The following RPS6KA2 variants were observed in gnomAD, a reference collection of about 807,000 sequenced individuals.
RPS6KA2 encodes the protein ribosomal protein S6 kinase A2.
Under a neutral mutation model 91.8 loss-of-function variants are expected in RPS6KA2, and 42 were observed. That is an observed-to-expected ratio of 0.46 (90% CI 0.36 to 0.59). The LOEUF is 0.59. Among genes scored for constraint, RPS6KA2 ranks in the 20% least tolerant of loss-of-function variants. RPS6KA2 has a pLI of 0.00. For missense variants in RPS6KA2, 798 were observed against 978.5 expected (o/e 0.82, Z 2.46); for synonymous variants, 414 against 393.6 (o/e 1.05, Z -0.61).
intron 16 of RPS6KA2, among the ~76,000 whole-genome samples, chr6:166,427,556 C>T (rs1223521134): frequency 3.2e-4 from 48 of 152,270 alleles, no homozygotes; most frequent in African/African-American, 7.7e-4. Context: ...GAAAACCCCA[C>T]TGTCTCAGCC....
intron 2 of RPS6KA2, among the ~76,000 whole-genome samples, chr6:166,796,308 C>T (rs1779221864): frequency 2.0e-5 from 3 of 152,136 alleles, no homozygotes; most frequent in Non-Finnish European, 4.4e-5. Context: ...TCTGGCTTGT[C>T]GGCTGGGTGC....
At chr6:166,796,379 A>G (rs1485075594) in intron 2 of RPS6KA2, among the ~76,000 whole-genome samples, 1 of 152,116 alleles carries the variant, frequency 6.6e-6, no homozygotes, top group African/African-American at 2.4e-5. Flanking sequence ...TCACGAGGTC[A>G]AGAGATAGAG....
intron 10 of RPS6KA2, among the ~76,000 whole-genome samples, chr6:166,483,518 T>C (rs1446254896): frequency 6.6e-6 from 1 of 152,194 alleles, no homozygotes; most frequent in East Asian, 1.9e-4. Context: ...TGGAAAAAAT[T>C]AAGAAAAGCC....
chr6:166,736,559 TC>T (rs1790672986), intron 2 of RPS6KA2, among the ~76,000 whole-genome samples: 1 of 152,198 alleles, frequency 6.6e-6, no homozygotes, highest in African/African-American at 2.4e-5. Context: ...ATATCAAGAT[TC>T]CATGTCTTAG....
intron 1 of RPS6KA2, among the ~76,000 whole-genome samples, chr6:166,572,498 G>A (rs979158024): frequency 2.6e-5 from 4 of 152,258 alleles, no homozygotes; most frequent in African/African-American, 9.6e-5. Flanking sequence ...GGCTGGTGAC[G>A]TATTTAGCTC....
chr6:166,607,291 C>T (rs751184110), intron 1 of RPS6KA2, among the ~76,000 whole-genome samples: 101 of 152,086 alleles, frequency 6.6e-4, no homozygotes, highest in Non-Finnish European at 1.4e-3. Flanking sequence ...AGGTATAAAC[C>T]CAGGAGAAAT....
rs1006771071 is a variant in RPS6KA2, at chr6:166,437,984, C to T, written c.1333-5494G>A. On this transcript the variant is annotated intron_variant, in intron 14 of 20. Coordinates refer to ENST00000265678, the MANE Select transcript of RPS6KA2 (RefSeq NM_021135.6). This position sits in a 1 kb window ranked among gnomAD's most constrained non-coding sequence, Gnocchi z 4.3. ...TGAGCAGATGGCTTTGAGGCAGTAA[C>T]TACGCGGGCAGTGGCATGAGCTCAC... Among the ~76,000 whole-genome samples the T allele has an allele frequency of 2.0e-5, 3 of 152,232 alleles. No homozygotes were observed. Among genetic ancestry groups the T allele is most frequent in the South Asian group, 2.1e-4 (1 of 4,830 alleles).
In RPS6KA2 at chr6:166,433,121, G is replaced by A. The variant is rs1457732241; in HGVS notation, c.1333-631C>T. Among the ~76,000 whole-genome samples, 1 of 150,824 alleles carries A rather than the reference G, an allele frequency of 6.6e-6. No homozygotes were observed. Among genetic ancestry groups the A allele is most frequent in the African/African-American group, 2.4e-5 (1 of 40,860 alleles). On this transcript the variant is annotated intron_variant, in intron 14 of 20. Transcript: ENST00000265678. This position sits in a 1 kb window ranked among gnomAD's most constrained non-coding sequence, Gnocchi z 4.4. ...AAATAACAGACTGTGTCCCACCCTC[G>A]CAGTGGGCACCATCCACAACAAGCC...
chr6:166,605,733 A>T (rs1471445910), intron 1 of RPS6KA2, among the ~76,000 whole-genome samples: 1 of 152,224 alleles, frequency 6.6e-6, no homozygotes, highest in African/African-American at 2.4e-5. Flanking sequence ...CCACACATTC[A>T]ACTGAGATCT....
chr6:166,707,791 T>G (rs1176270926), intron 2 of RPS6KA2, among the ~76,000 whole-genome samples: 1 of 152,146 alleles, frequency 6.6e-6, no homozygotes, highest in Non-Finnish European at 1.5e-5. Context: ...CAGGCTGAAG[T>G]ACAGTGGTGC....
At chr6:166,527,925 G>C (rs1310007873) in intron 3 of RPS6KA2, among the ~76,000 whole-genome samples, 1 of 152,276 alleles carries the variant, frequency 6.6e-6, no homozygotes, top group East Asian at 1.9e-4. Context: ...TGAATAGATA[G>C]ACACTTTATT....
chr6:166,478,334 C>A (rs1237668065), intron 10 of RPS6KA2, among the ~76,000 whole-genome samples: 2 of 152,214 alleles, frequency 1.3e-5, no homozygotes, highest in Non-Finnish European at 2.9e-5. Context: ...AAAGCTTGGT[C>A]TTGAAAGAGG....
chr6:166,606,743 C>T (rs1364277760), intron 1 of RPS6KA2, among the ~76,000 whole-genome samples: 8 of 152,186 alleles, frequency 5.3e-5, no homozygotes, highest in African/African-American at 1.9e-4. Context: ...AGATGCTCTA[C>T]ATCATTTGTC....
intron 2 of RPS6KA2, among the ~76,000 whole-genome samples, chr6:166,705,570 G>A (rs1204622267): frequency 2.0e-5 from 3 of 152,142 alleles, no homozygotes; most frequent in Non-Finnish European, 4.4e-5. Context: ...TGCTTAGCAT[G>A]GTACTAAAGG....
chr6:166,753,909 G>T (rs978370860), intron 2 of RPS6KA2, among the ~76,000 whole-genome samples: 4 of 152,192 alleles, frequency 2.6e-5, no homozygotes, highest in East Asian at 1.9e-4. Flanking sequence ...TGTCAGAAAC[G>T]TACTAACCCA....
rs569705440 is a variant in RPS6KA2, at chr6:166,639,436, G to A, written c.124-100652C>T. Among the ~76,000 whole-genome samples, 1 of 152,118 alleles carries A rather than the reference G, an allele frequency of 6.6e-6. No individual in the cohort carries two copies. Among genetic ancestry groups the A allele is most frequent in the Non-Finnish European group, 1.5e-5 (1 of 67,982 alleles). On this transcript the variant is annotated intron_variant, in intron 2 of 21. Coordinates refer to the RPS6KA2 transcript ENST00000503859. The surrounding 1 kb of genome is among the most constrained non-coding windows in gnomAD (Gnocchi z 4.2). Reference sequence around the variant, plus strand: ...CAGAAAATAGTAATTACTGGCTAAAGGCTTTCCCTACAACCCACCTGTGGT... The same window carrying A: ...CAGAAAATAGTAATTACTGGCTAAAAGCTTTCCCTACAACCCACCTGTGGT...
intron 2 of RPS6KA2, among the ~76,000 whole-genome samples, chr6:166,677,362 G>GTTT (rs199505387): frequency 2.8e-5 from 4 of 141,334 alleles, no homozygotes; most frequent in Non-Finnish European, 6.2e-5. Flanking sequence ...GTTCATATCA[G>GTTT]TTTTTTTTTT....
At chr6:166,512,227 A>C (rs1782497363) in intron 3 of RPS6KA2, among the ~76,000 whole-genome samples, 1 of 152,220 alleles carries the variant, frequency 6.6e-6, no homozygotes, top group African/African-American at 2.4e-5. Context: ...ACAAGAGGAC[A>C]ACTATTGTAG....
chr6:166,799,311 T>C (rs1779302738), intron 2 of RPS6KA2, among the ~76,000 whole-genome samples: 1 of 152,238 alleles, frequency 6.6e-6, no homozygotes, highest in Non-Finnish European at 1.5e-5. Flanking sequence ...ACTATTTAAA[T>C]TTTAATCAAT....
Sources: gnomAD v4.1 joint callset for allele counts (sites outside exome capture counted in the v4.1 genomes callset) on GRCh38, gnomAD v4.1.1 for gene constraint, Gnocchi (gnomAD v3.1) non-coding constraint, MANE v1.5 for transcripts, NCBI Gene and HGNC (gene_info 2026-07-23, HGNC 2026-07-21) for gene names.